Variants in GOLGA8A observed in about 807,000 individuals in gnomAD.
GOLGA8A encodes the protein golgin A8 family member A, also known as golgin subfamily A member 8A.
A neutral mutation model predicts 22.1 loss-of-function variants in GOLGA8A; 3 were observed. The observed-to-expected ratio is 0.14, with a 90% CI of 0.06 to 0.35. The LOEUF (loss-of-function observed/expected upper bound fraction) is 0.35. Among genes scored for constraint, GOLGA8A ranks in the 10% least tolerant of loss-of-function variants. The pLI, the probability that GOLGA8A is intolerant of heterozygous loss-of-function variation, is 1.00. For missense variants in GOLGA8A, 16 were observed against 233.2 expected (o/e 0.07, Z 6.07); for synonymous variants, 7 against 91.7 (o/e 0.08, Z 5.28).
At chr15:34,418,008 A>C (rs1474469407) in intron 2 of GOLGA8A, 1 of 137,400 alleles carries the variant, frequency 7.3e-6, no homozygotes, top group Non-Finnish European at 1.6e-5. Flanking sequence ...GAGGCTGAGA[A>C]ACCCTGGTTT....
At chr15:34,425,704 A>G (rs1427667048) in intron 2 of GOLGA8A, among the ~76,000 whole-genome samples, 1 of 146,334 alleles carries the variant, frequency 6.8e-6, no homozygotes, top group Non-Finnish European at 1.5e-5. Context: ...AATGAGGAAT[A>G]ACCCTGTGTA....
At position 34,380,939 on chromosome 15, in the gene GOLGA8A, G is replaced by A. The variant is rs1267990286; in HGVS notation, c.*472C>T. ...AACAGTGCACACTTGAGGGCAAACC[G>A]CATATTGAGCTATAGAAGAGCTCAC... On this transcript the variant is annotated 3_prime_UTR_variant, in exon 25 of 25. Transcript: ENST00000359187. 4.3e-5 allele frequency: 13 copies of A among 302,820 alleles called. No individual in the cohort carries two copies. Among genetic ancestry groups the A allele is most frequent in the Non-Finnish European group, 7.0e-5 (11 of 157,258 alleles). The allele number at this position is 302,820 out of a possible 1,614,324, so 18.8% of individuals were successfully genotyped here. A position where few individuals can be genotyped will look rare whatever the true frequency, so the allele number is the denominator to read the frequency against.
chr15:34,403,606 C>CAT (rs1199993410), intron 5 of GOLGA8A, among the ~76,000 whole-genome samples: 1 of 150,462 alleles, frequency 6.6e-6, no homozygotes, highest in Non-Finnish European at 1.5e-5. Context: ...TAAATGAGAG[C>CAT]ATCTATAAAG....
chr15:34,381,214 T>C lies in GOLGA8A; in HGVS notation c.*197A>G. On this transcript the variant is annotated 3_prime_UTR_variant, in exon 25 of 25. Coordinates refer to ENST00000359187, the MANE Select transcript of GOLGA8A (RefSeq NM_181077.5). ...AGAAAAATGCTGAAGGATGCCAGAG[T>C]GAACATCAGTGAGAGCCACAGAGAC... is the stretch of plus-strand genomic sequence containing the variant. 2 of 951,514 alleles carry C rather than the reference T, an allele frequency of 2.1e-6. No individual in the cohort carries two copies. Among genetic ancestry groups the C allele is most frequent in the Non-Finnish European group, 3.1e-6 (2 of 640,816 alleles). The allele number at this position is 951,514 out of a possible 1,614,324, so 58.9% of individuals were successfully genotyped here.
intron 4 of GOLGA8A, among the ~76,000 whole-genome samples, chr15:34,406,064 G>T: frequency 8.2e-6 from 1 of 122,558 alleles, no homozygotes; most frequent in Non-Finnish European, 1.8e-5. Context: ...CAGACACACT[G>T]GTCAGTTCTG....
intron 2 of GOLGA8A, among the ~76,000 whole-genome samples, chr15:34,425,797 A>C (rs1229182437): frequency 6.8e-6 from 1 of 147,004 alleles, no homozygotes; most frequent in Non-Finnish European, 1.5e-5. Flanking sequence ...AATTAGAAAG[A>C]GAAATTCAAA....
At chr15:34,434,333 C>G (rs1368712275) in intron 2 of GOLGA8A, among the ~76,000 whole-genome samples, 2 of 149,690 alleles carry the variant, frequency 1.3e-5, no homozygotes, top group Non-Finnish European at 3.0e-5. Flanking sequence ...ACAGCCCAAC[C>G]TGGGAAACCT....
At chr15:34,437,375 G>A (rs1406837353) in intron 1 of GOLGA8A, 23 bp downstream of exon 1, 2 of 142,308 alleles carry the variant, frequency 1.4e-5, no homozygotes, top group Admixed American at 7.0e-5. Flanking sequence ...AGCGAGTCAG[G>A]CAGCCGAGGT....
At chr15:34,435,906 G>C (rs987313051) in intron 1 of GOLGA8A, among the ~76,000 whole-genome samples, 2 of 148,964 alleles carry the variant, frequency 1.3e-5, no homozygotes, top group African/African-American at 2.5e-5. Flanking sequence ...ACACTGCCCG[G>C]AGCCCCAGCA....
rs1443458765 is a variant in GOLGA8A, at chr15:34,379,963, G to T, written c.*1448C>A. 6.6e-6 allele frequency: 1 copy of T among 152,618 alleles called. No homozygotes were observed. The highest frequency in any genetic ancestry group is 1.5e-5 in the Non-Finnish European group (1 of 68,048). 9.5% of individuals were successfully genotyped at this position (152,618 alleles called of 1,614,324 possible). ...AGTTTGTGAGGAAATACAACTCTGC[G>T]ATCGTATAGACATGTTTCCTGATAA... On this transcript the variant is annotated 3_prime_UTR_variant, in exon 25 of 25. Transcript: ENST00000359187.
chr15:34,422,774 C>T (rs1338745722), intron 2 of GOLGA8A, among the ~76,000 whole-genome samples: 1 of 108,632 alleles, frequency 9.2e-6, no homozygotes, highest in Non-Finnish European at 2.3e-5. Context: ...ATTCTACAGG[C>T]CTCCCATGTC....
rs1330059518 is a variant in GOLGA8A, at chr15:34,437,095, G to A, written c.-1212+303C>T. 6.7e-5 allele frequency among the ~76,000 whole-genome samples: 10 copies of A among 148,228 alleles called. 1 individual carries two copies. The highest frequency in any genetic ancestry group is 1.0e-4 in the Non-Finnish European group (7 of 66,724). ...ACAGCGCCACTTGCCGGCGCCGAGAGTGGCCCCTCGCCGCGGTGAGCCCCT... is the reference window on the plus strand; with the variant it reads ...ACAGCGCCACTTGCCGGCGCCGAGAATGGCCCCTCGCCGCGGTGAGCCCCT... On this transcript the variant is annotated intron_variant, in intron 1 of 24. Transcript: ENST00000359187.
chr15:34,420,460 C>T (rs540561371), intron 2 of GOLGA8A, among the ~76,000 whole-genome samples: 2 of 147,538 alleles, frequency 1.4e-5, no homozygotes, highest in South Asian at 4.4e-4. Flanking sequence ...GGGCCAGCGG[C>T]GCAGGAAAAC....
intron 1 of GOLGA8A, 106 bp downstream of exon 1, chr15:34,437,292 C>T (rs1407609272): frequency 6.9e-6 from 1 of 145,256 alleles, no homozygotes; most frequent in Non-Finnish European, 1.5e-5. Flanking sequence ...AGCTCTTGGC[C>T]CGCAGCTTAC....
rs1004551037 is a variant in GOLGA8A at position 34,435,404 on chromosome 15, T to G, written c.-1144A>C. ...TTACCTTTTACTTTTATCCAGCATT[T>G]CTTAGCTCGGTTGGCAAACTGGATA... On this transcript the variant is annotated 5_prime_UTR_variant, in exon 2 of 25. Coordinates refer to ENST00000359187, the MANE Select transcript of GOLGA8A (RefSeq NM_181077.5). 1 of 149,680 alleles carries G rather than the reference T, an allele frequency of 6.7e-6. No homozygotes were observed. The highest frequency in any genetic ancestry group is 2.5e-5 in the African/African-American group (1 of 40,576). 9.3% of individuals were successfully genotyped at this position (149,680 alleles called of 1,614,324 possible).
At position 34,432,626 on chromosome 15, in the gene GOLGA8A, T is replaced by C. The variant is rs1893309965; in HGVS notation, c.-1123+2757A>G. 1.3e-5 allele frequency among the ~76,000 whole-genome samples: 2 copies of C among 149,470 alleles called. 1 individual carries two copies. The highest frequency in any genetic ancestry group is 4.9e-5 in the African/African-American group (2 of 40,462). ...GTGTTTCATTCCAGTGGTTTCGCCATCAAAACCATCTTTAAATGTTGGAGT... is the reference window on the plus strand; with the variant it reads ...GTGTTTCATTCCAGTGGTTTCGCCACCAAAACCATCTTTAAATGTTGGAGT... On this transcript the variant is annotated intron_variant, in intron 2 of 24. Transcript: ENST00000359187.
At chr15:34,410,293 G>C in intron 2 of GOLGA8A, 1 of 95,374 alleles carries the variant, frequency 1.0e-5, no homozygotes, top group Non-Finnish European at 1.6e-5. Context: ...GTGCGGGGAC[G>C]GGGACCTGGA....
rs1352890783 is a variant in GOLGA8A at position 34,437,437 on chromosome 15, T to C, written c.-1251A>G. On this transcript the variant is annotated 5_prime_UTR_variant, in exon 1 of 25. Coordinates refer to ENST00000359187, the MANE Select transcript of GOLGA8A (RefSeq NM_181077.5). The stretch of plus-strand genomic sequence containing the variant: ...GGGCTGCCCCGGTCCGCCGCCGTCC[T>C]CGCCGCGCCGCCGTCCTCGCCGCGC... The C allele has an allele frequency of 1.7e-4, 24 of 137,242 alleles. 2 individuals carry two copies. The highest frequency in any genetic ancestry group is 4.8e-4 in the African/African-American group (18 of 37,416). The allele number at this position is 137,242 out of a possible 1,614,324, so 8.5% of individuals were successfully genotyped here.
intron 2 of GOLGA8A, chr15:34,428,988 C>T (rs748088801): frequency 4.7e-5 from 7 of 148,510 alleles, no homozygotes; most frequent in African/African-American, 1.5e-4. Flanking sequence ...CCTACAGAAC[C>T]CAGTGGGGAG....
Sources: allele counts gnomAD v4.1 joint callset (sites outside exome capture counted in the v4.1 genomes callset), GRCh38; gene constraint gnomAD v4.1.1; transcripts MANE v1.5; gene names NCBI Gene and HGNC (gene_info 2026-07-23, HGNC 2026-07-21).